The following CSMD3 variants were observed in gnomAD, a reference collection of about 807,000 sequenced individuals.
CSMD3 encodes CUB and sushi domain-containing protein 3.
In CSMD3, 177 loss-of-function variants were observed where a neutral mutation model predicts 435.2. That is an observed-to-expected ratio of 0.41 (90% CI 0.36 to 0.46). CSMD3 has a LOEUF of 0.46. Ranked by LOEUF, CSMD3 falls within the 20% of genes least tolerant of loss-of-function variation. CSMD3 has a pLI of 0.34. For synonymous variants in CSMD3, 1,656 were observed against 1,520.5 expected, an observed-to-expected ratio of 1.09 and a Z score of -2.07; for missense variants, 4,265 against 4,504.6, an observed-to-expected ratio of 0.95 and a Z score of 1.52.
Position 112,494,147 on chromosome 8 carries a change from C to T in CSMD3, c.5084-1464G>A, listed in dbSNP as rs539528106. Among the ~76,000 whole-genome samples, 3 of 152,132 alleles carry T rather than the reference C, an allele frequency of 2.0e-5. No homozygotes were observed. In the East Asian group the frequency reaches 5.8e-4, roughly 29 times the overall value. On this transcript the variant is annotated intron_variant, in intron 30 of 70. Coordinates refer to ENST00000297405, the MANE Select transcript of CSMD3 (RefSeq NM_198123.2). Reference sequence around the variant, plus strand: ...TTTAAGAAATAATGAGAAATCTGTGCTTTAAGAAGAACACTATATATAATT... The same window carrying T: ...TTTAAGAAATAATGAGAAATCTGTGTTTTAAGAAGAACACTATATATAATT...
At chr8:112,670,403 C>A (rs780932643) in intron 16 of CSMD3, among the ~76,000 whole-genome samples, 8 of 152,166 alleles carry the variant, frequency 5.3e-5, no homozygotes, top group Non-Finnish European at 7.3e-5. Flanking sequence ...TATATATACA[C>A]ACACACGTAT....
intron 4 of CSMD3, among the ~76,000 whole-genome samples, chr8:113,104,747 T>C (rs544814450): frequency 6.6e-6 from 1 of 152,200 alleles, no homozygotes; most frequent in Non-Finnish European, 1.5e-5. Flanking sequence ...GTTCCTTTCA[T>C]ATTAAAACAG....
chr8:113,221,782 C>T (rs1364729249), intron 3 of CSMD3, among the ~76,000 whole-genome samples: 3 of 151,240 alleles, frequency 2.0e-5, no homozygotes, highest in Non-Finnish European at 3.0e-5. Flanking sequence ...TTAGCTCTTC[C>T]AAAATGGCAC....
In CSMD3 at chr8:112,994,958, A is replaced by T. The variant is rs374761486; in HGVS notation, c.1031-18810T>A. Among the ~76,000 whole-genome samples, 4 of 151,678 alleles carry T rather than the reference A, an allele frequency of 2.6e-5. No homozygotes were observed. The South Asian group carries it at 8.3e-4, about 31-fold the overall frequency. On this transcript the variant is annotated intron_variant, in intron 6 of 70. Transcript: ENST00000297405. Reference sequence around the variant, plus strand: ...AGAGTTTGGAATTACATGAAATGTAATCAGTATATAATATTTTATCAAAAA... The same window carrying T: ...AGAGTTTGGAATTACATGAAATGTATTCAGTATATAATATTTTATCAAAAA...
intron 7 of CSMD3, among the ~76,000 whole-genome samples, chr8:112,963,965 T>A (rs995945618): frequency 6.6e-6 from 1 of 151,954 alleles, no homozygotes; most frequent in Non-Finnish European, 1.5e-5. Context: ...TATCTTTACC[T>A]TACAGGATTT....
rs1300957151 is a variant in CSMD3, at chr8:112,545,497, A to AT, written c.4564+5173_4564+5174insA. ...GACTCCATCTCAAAAAAAAAAAAAA[A>AT]AAAAAATAATAATAATAATAATAAT... is the stretch of plus-strand genomic sequence containing the variant. On this transcript the variant is annotated intron_variant, in intron 27 of 70. Coordinates refer to ENST00000297405, the MANE Select transcript of CSMD3 (RefSeq NM_198123.2). Among the ~76,000 whole-genome samples the AT allele has an allele frequency of 4.1e-3, 590 of 143,802 alleles. 9 individuals carry two copies. Among genetic ancestry groups the AT allele is most frequent in the African/African-American group, 0.014 (550 of 38,984 alleles). 94.3% of individuals were successfully genotyped at this position (143,802 alleles called of 152,430 possible). A position where few individuals can be genotyped will look rare whatever the true frequency, so the allele number is the denominator to read the frequency against.
At position 112,228,799 on chromosome 8, in the gene CSMD3, CA is replaced by C. The variant is rs766438669; in HGVS notation, c.10920del (p.Phe3640LeufsTer61). On this transcript the variant is annotated frameshift_variant, in exon 70 of 71. Coordinates refer to ENST00000297405, the MANE Select transcript of CSMD3 (RefSeq NM_198123.2). LOFTEE classifies it high-confidence loss of function. ...AATCCAAATCCTGCAAATATAAGTG[CA>C]AAAAAAGGCACAAGAATAGCAATGG... is the stretch of plus-strand genomic sequence containing the variant. ...SVAIAILVPF[F>X]ALIFAGFGFY... 5.7e-6 allele frequency: 9 copies of C among 1,587,132 alleles called. No homozygotes were observed. Among genetic ancestry groups the C allele is most frequent in the Non-Finnish European group, 7.8e-6 (9 of 1,156,346 alleles).
At chr8:112,709,169 C>G (rs1203029302) in intron 13 of CSMD3, among the ~76,000 whole-genome samples, 1 of 151,974 alleles carries the variant, frequency 6.6e-6, no homozygotes, top group East Asian at 1.9e-4. Context: ...CTGCAAAATA[C>G]GTTTCATAGT....
At chr8:113,029,081 T>C (rs2086983030) in intron 5 of CSMD3, among the ~76,000 whole-genome samples, 1 of 151,564 alleles carries the variant, frequency 6.6e-6, no homozygotes, top group Non-Finnish European at 1.5e-5. Context: ...AAGTTGAAGC[T>C]AATGCTCATT....
chr8:112,449,985 A>G (rs6469421), intron 32 of CSMD3, among the ~76,000 whole-genome samples: 2 of 151,930 alleles, frequency 1.3e-5, no homozygotes, highest in African/African-American at 2.4e-5. Context: ...CAGACTCCCA[A>G]AGTTCTGGGA....
rs202107827 is a variant in CSMD3 at position 112,975,813 on chromosome 8, C to T, written c.1342+24G>A. On this transcript the variant is annotated intron_variant, in intron 7 of 70. Transcript: ENST00000297405. The stretch of plus-strand genomic sequence containing the variant: ...ATAGCTTTGGCTGTAACTAAATGGG[C>T]ACAAGTAAAATAACATCCAATACCT... 1,456 of 1,612,006 alleles carry T rather than the reference C, an allele frequency of 9.0e-4. 37 individuals are homozygous for T. The South Asian group carries it at 0.015, about 17-fold the overall frequency.
chr8:112,414,986 G>A (rs865992978), intron 32 of CSMD3, among the ~76,000 whole-genome samples: 1 of 152,192 alleles, frequency 6.6e-6, no homozygotes, highest in Non-Finnish European at 1.5e-5. Flanking sequence ...TAAAAGTTTG[G>A]AGAATTTGCA....
intron 2 of CSMD3, 71 bp from the exon 3 acceptor site, chr8:113,278,775 T>C (rs2093590950): frequency 3.9e-6 from 3 of 776,876 alleles, no homozygotes; most frequent in Non-Finnish European, 6.9e-6. Context: ...AGGATTAAAG[T>C]CATATTTAAA....
chr8:112,469,860 A>T lies in CSMD3; in HGVS notation c.5395+2731T>A, dbSNP rs139417321. ...GTATATGAAACATATAGAAGAAGGAATGATCATAATTTGGGATAAATGACA... is the reference window on the plus strand; with the variant it reads ...GTATATGAAACATATAGAAGAAGGATTGATCATAATTTGGGATAAATGACA... On this transcript the variant is annotated intron_variant, in intron 32 of 70. Coordinates refer to ENST00000297405, the MANE Select transcript of CSMD3 (RefSeq NM_198123.2). Among the ~76,000 whole-genome samples, 742 of 152,332 alleles carry T rather than the reference A, an allele frequency of 4.9e-3. 2 individuals carry two copies. The highest frequency in any genetic ancestry group is 7.5e-3 in the Non-Finnish European group (513 of 68,026).
chr8:113,299,244 T>C (rs1260407753), intron 2 of CSMD3, among the ~76,000 whole-genome samples: 1 of 152,208 alleles, frequency 6.6e-6, no homozygotes, highest in South Asian at 2.1e-4. Context: ...TTATTTTTAA[T>C]GTAGAATATT....
intron 13 of CSMD3, among the ~76,000 whole-genome samples, chr8:112,721,803 A>G (rs979756245): frequency 6.6e-6 from 1 of 152,158 alleles, no homozygotes; most frequent in Non-Finnish European, 1.5e-5. Flanking sequence ...CCCAAATATC[A>G]TCAGAAGTTT....
At chr8:113,313,000 C>T (rs1326544600) in intron 2 of CSMD3, 2 of 152,126 alleles carry the variant, frequency 1.3e-5, no homozygotes, top group Non-Finnish European at 2.9e-5. Context: ...TTTTGCACAA[C>T]AAAGTTTGTG....
chr8:112,681,496 T>C (rs1174655348), intron 16 of CSMD3, among the ~76,000 whole-genome samples: 2 of 152,192 alleles, frequency 1.3e-5, no homozygotes, highest in Non-Finnish European at 2.9e-5. Flanking sequence ...ATATACTATG[T>C]AATTGATGTT....
chr8:113,247,240 A>C (rs565809306), intron 3 of CSMD3, among the ~76,000 whole-genome samples: 1 of 152,304 alleles, frequency 6.6e-6, no homozygotes, highest in African/African-American at 2.4e-5. Flanking sequence ...CCTGGAGATA[A>C]GGATCTTCCC....
Sources: gnomAD v4.1 joint callset for allele counts (sites outside exome capture counted in the v4.1 genomes callset) on GRCh38, gnomAD v4.1.1 for gene constraint, MANE v1.5 for transcripts, NCBI Gene and HGNC (gene_info 2026-07-23, HGNC 2026-07-21) for gene names.